The following LOC128071547 variants were observed in gnomAD, a reference collection of about 807,000 sequenced individuals.
At chr12:120,534,804 C>T in the LOC128071547 span, 1 of 1,565,908 alleles carries the variant, frequency 6.4e-7, no homozygotes, top group African/African-American at 1.4e-5. Flanking sequence ...CCGCCGAGGC[C>T]CCCGTTGATG....
At chr12:120,534,851 G>A in the LOC128071547 span, 3 of 1,606,582 alleles carry the variant, frequency 1.9e-6, no homozygotes, top group African/African-American at 1.3e-5. Flanking sequence ...CACCGCCTCC[G>A]ACATGGACAA....
the LOC128071547 span, chr12:120,534,865 C>T: frequency 1.2e-6 from 2 of 1,608,482 alleles, no homozygotes; most frequent in South Asian, 1.1e-5. Context: ...TGGACAAGAA[C>T]AGCGGCTCCA....
At chr12:120,534,947 G>T in the LOC128071547 span, 20 of 1,601,194 alleles carry the variant, frequency 1.2e-5, 1 homozygote, top group South Asian at 2.0e-4. Context: ...GGGGCCAGCC[G>T]GCGAGTCTAA....
the LOC128071547 span, chr12:120,534,869 G>A: frequency 1.9e-6 from 3 of 1,608,174 alleles, no homozygotes; most frequent in African/African-American, 4.0e-5. Context: ...CAAGAACAGC[G>A]GCTCCAACAG....
chr12:120,534,767 G>T, the LOC128071547 span: 7 of 1,521,146 alleles, frequency 4.6e-6, no homozygotes, highest in Non-Finnish European at 6.1e-6. Context: ...GGTCCCCGCC[G>T]CGCCCGCTCC....
At chr12:120,534,778 G>T in the LOC128071547 span, 2 of 1,537,418 alleles carry the variant, frequency 1.3e-6, no homozygotes, top group Middle Eastern at 1.7e-4. Flanking sequence ...CGCCCGCTCC[G>T]CTCCGACTGC....
chr12:120,534,736 G>A, the LOC128071547 span: 1 of 1,453,804 alleles, frequency 6.9e-7, no homozygotes, highest in African/African-American at 1.5e-5. Context: ...ACCCCCGCCG[G>A]CCCTGAACGC....
the LOC128071547 span, chr12:120,534,727 C>T: frequency 1.4e-6 from 2 of 1,412,958 alleles, no homozygotes; most frequent in African/African-American, 1.5e-5. Context: ...CCGCCGCCGA[C>T]CCCCGCCGGC....
At chr12:120,534,725 G>A in the LOC128071547 span, 8 of 1,410,310 alleles carry the variant, frequency 5.7e-6, no homozygotes, top group African/African-American at 1.5e-5. Flanking sequence ...TGCCGCCGCC[G>A]ACCCCCGCCG....
chr12:120,534,945 C>G, the LOC128071547 span: 1 of 1,601,212 alleles, frequency 6.2e-7, no homozygotes, highest in Non-Finnish European at 8.5e-7. Context: ...GCGGGGCCAG[C>G]CGGCGAGTCT....
the LOC128071547 span, chr12:120,534,714 C>T: frequency 2.8e-6 from 4 of 1,405,014 alleles, no homozygotes; most frequent in Non-Finnish European, 3.7e-6. Flanking sequence ...CCGAGAACCG[C>T]TGCCGCCGCC....
chr12:120,534,793 G>T, the LOC128071547 span: 1 of 1,550,702 alleles, frequency 6.4e-7, no homozygotes. Flanking sequence ...GACTGCCGTC[G>T]CCGCCGAGGC....
chr12:120,534,886 C>T, the LOC128071547 span: 4 of 1,608,538 alleles, frequency 2.5e-6, no homozygotes, highest in South Asian at 1.1e-5. Flanking sequence ...ACAGCTCCTC[C>T]GCCTCTTCGG....
the LOC128071547 span, chr12:120,534,942 C>T: frequency 2.5e-6 from 4 of 1,601,958 alleles, no homozygotes; most frequent in Non-Finnish European, 2.5e-6. Flanking sequence ...TCGGCGGGGC[C>T]AGCCGGCGAG....
the LOC128071547 span, chr12:120,534,891 C>G: frequency 6.2e-7 from 1 of 1,608,376 alleles, no homozygotes; most frequent in Non-Finnish European, 8.5e-7. Context: ...TCCTCCGCCT[C>G]TTCGGGCAGC....
At chr12:120,534,746 C>T in the LOC128071547 span, 1 of 1,491,900 alleles carries the variant, frequency 6.7e-7, no homozygotes, top group Admixed American at 2.4e-5. Context: ...GCCCTGAACG[C>T]CATGAGCCTG....
At chr12:120,534,741 G>C in the LOC128071547 span, 1 of 1,461,324 alleles carries the variant, frequency 6.8e-7, no homozygotes, top group Non-Finnish European at 8.9e-7. Context: ...CGCCGGCCCT[G>C]AACGCCATGA....
the LOC128071547 span, chr12:120,534,777 C>G: frequency 6.5e-7 from 1 of 1,536,944 alleles, no homozygotes; most frequent in Non-Finnish European, 8.7e-7. Flanking sequence ...GCGCCCGCTC[C>G]GCTCCGACTG....
chr12:120,534,919 GC>G, the LOC128071547 span: 2 of 1,605,732 alleles, frequency 1.2e-6, no homozygotes. Flanking sequence ...GGCAACAGCC[GC>G]CCCGCTCCGC....
Sources: allele counts gnomAD v4.1 joint callset, GRCh38; gene constraint gnomAD v4.1.1; transcripts MANE v1.5.